Variants in ZFYVE21 observed in about 807,000 individuals in gnomAD.
The protein encoded by ZFYVE21 is zinc finger FYVE domain-containing protein 21.
ZFYVE21 carries 21 observed loss-of-function variants against 29.5 expected under a neutral mutation model. That is an observed-to-expected ratio of 0.71 (90% confidence interval 0.50 to 1.02). The LOEUF (loss-of-function observed/expected upper bound fraction) is 1.02. ZFYVE21 is among the 50% of genes least tolerant of loss of function. The pLI, the probability that ZFYVE21 is intolerant of heterozygous loss-of-function variation, is 0.00. For missense variants in ZFYVE21, 326 were observed against 335.4 expected (o/e 0.97, Z 0.22); for synonymous variants, 151 against 133.8 (o/e 1.13, Z -0.89).
Position 103,716,042 on chromosome 14 carries a change from G to C in ZFYVE21, c.138+63G>C. On this transcript the variant is annotated intron_variant, in intron 1 of 6. Coordinates refer to ENST00000311141, the MANE Select transcript of ZFYVE21 (RefSeq NM_024071.4). This position sits in a 1 kb window ranked among gnomAD's most constrained non-coding sequence, Gnocchi z 4.8. ...CCCCGCCGCCCCGGCCCGGCCCCGCGGGCTTCCAGGCTCCCGCGACGACCC... is the reference window on the plus strand; with the variant it reads ...CCCCGCCGCCCCGGCCCGGCCCCGCCGGCTTCCAGGCTCCCGCGACGACCC... 8.5e-7 allele frequency: 1 copy of C among 1,172,400 alleles called. No homozygotes were observed. The highest frequency in any genetic ancestry group is 1.1e-6 in the Non-Finnish European group (1 of 948,228). 72.6% of individuals were successfully genotyped at this position (1,172,400 alleles called of 1,614,324 possible). A position where few individuals can be genotyped will look rare whatever the true frequency, so the allele number is the denominator to read the frequency against.
intron 3 of ZFYVE21, 129 bp downstream of exon 3, chr14:103,728,043 G>A (rs1378984088): frequency 9.9e-7 from 1 of 1,013,368 alleles, no homozygotes; most frequent in Non-Finnish European, 1.4e-6. Flanking sequence ...TCCCTTCCCC[G>A]TTTTCTTCTG....
At chr14:103,732,839 T>TA (rs991106858) in intron 6 of ZFYVE21, 77 bp downstream of exon 6, 18 of 1,600,470 alleles carry the variant, frequency 1.1e-5, no homozygotes, top group Non-Finnish European at 1.5e-5. Flanking sequence ...AAGCTCTGTG[T>TA]CCTGCCATTT....
chr14:103,732,655 T>C lies in ZFYVE21; in HGVS notation c.562T>C (p.Tyr188His), dbSNP rs200773616. The C allele has an allele frequency of 1.4e-4, 221 of 1,609,028 alleles. No homozygotes were observed. The East Asian group carries it at 4.9e-3, about 35-fold the overall frequency. ...ACGGGCCACAGGCATGTTCCTGCAG[T>C]ATACAGTGCCGGGGACGGAGGGTGT... ...NARATGMFLQYTVPGTEGVTQ... is the reference protein window; with the variant it reads ...NARATGMFLQHTVPGTEGVTQ... The change falls in exon 6 of 7, where the codon TAT (tyrosine) becomes CAT (histidine). Residue 188 changes from tyrosine to histidine, a missense_variant. Physicochemically the swap from Tyr to His is moderately conservative, Grantham distance 83 (BLOSUM62 2). Coordinates refer to ENST00000311141, the MANE Select transcript of ZFYVE21 (RefSeq NM_024071.4).
At chr14:103,718,451 A>C (rs553126240) in intron 1 of ZFYVE21, among the ~76,000 whole-genome samples, 1 of 152,282 alleles carries the variant, frequency 6.6e-6, no homozygotes, top group East Asian at 1.9e-4. Flanking sequence ...TCAGATTCTC[A>C]AGGCTCTGAC....
At position 103,733,178 on chromosome 14, in the gene ZFYVE21, G is replaced by C. The variant is rs955014102; in HGVS notation, c.*160G>C. 12 of 844,428 alleles carry C rather than the reference G, an allele frequency of 1.4e-5. No individual in the cohort carries two copies. Among genetic ancestry groups the C allele is most frequent in the African/African-American group, 1.7e-5 (1 of 58,584 alleles). The allele number at this position is 844,428 out of a possible 1,614,324, so 52.3% of individuals were successfully genotyped here. ...AGAAACAGGAGTGTTCACTTATCTAGTGCAATATGTTCACAGTTTATTAAT... is the reference window on the plus strand; with the variant it reads ...AGAAACAGGAGTGTTCACTTATCTACTGCAATATGTTCACAGTTTATTAAT... On this transcript the variant is annotated 3_prime_UTR_variant, in exon 7 of 7. Coordinates refer to ENST00000311141, the MANE Select transcript of ZFYVE21 (RefSeq NM_024071.4).
intron 1 of ZFYVE21, among the ~76,000 whole-genome samples, chr14:103,717,264 C>T (rs1191210587): frequency 2.6e-5 from 4 of 152,190 alleles, no homozygotes; most frequent in Non-Finnish European, 4.4e-5. Flanking sequence ...ACACTTTCCG[C>T]CAATCATCCT....
chr14:103,718,630 A>G (rs1169858682), intron 1 of ZFYVE21, among the ~76,000 whole-genome samples: 1 of 152,208 alleles, frequency 6.6e-6, no homozygotes, highest in Admixed American at 6.5e-5. Context: ...TGACTCTGCC[A>G]TCAAATATCC....
chr14:103,723,506 A>C (rs1393881105), intron 1 of ZFYVE21, among the ~76,000 whole-genome samples: 3 of 152,362 alleles, frequency 2.0e-5, no homozygotes, highest in African/African-American at 7.2e-5. Context: ...AAGGGAAACA[A>C]AAAAAGGCTG....
chr14:103,729,151 G>A lies in ZFYVE21; in HGVS notation c.495G>A (p.Val165=). The A allele has an allele frequency of 6.2e-7, 1 of 1,614,058 alleles. No individual in the cohort carries two copies. The highest frequency in any genetic ancestry group is 8.5e-7 in the Non-Finnish European group (1 of 1,180,008). Residue 165 remains valine, a synonymous_variant, in exon 5 of 7, where the codon GTG becomes GTA. Coordinates refer to ENST00000311141, the MANE Select transcript of ZFYVE21 (RefSeq NM_024071.4). The part of the protein sequence containing the change: ...YEIEIVHIST[V]QILTEGFPPG... The stretch of plus-strand genomic sequence containing the variant: ...TCGAAATTGTACACATTTCCACCGT[G>A]CAGATCCTCACAGAAGGCTTCCCTC...
rs2083819671 is a variant in ZFYVE21 at position 103,716,652 on chromosome 14, C to T, written c.138+673C>T. Among the ~76,000 whole-genome samples, 2 of 152,240 alleles carry T rather than the reference C, an allele frequency of 1.3e-5. No homozygotes were observed. The highest frequency in any genetic ancestry group is 6.5e-5 in the Admixed American group (1 of 15,290). ...GTTTGAAGGAGACCGCAGATTTGCA[C>T]CCGTTTCCCATGGGCCCAGACACGG... is the stretch of plus-strand genomic sequence containing the variant. On this transcript the variant is annotated intron_variant, in intron 1 of 6. Coordinates refer to ENST00000311141, the MANE Select transcript of ZFYVE21 (RefSeq NM_024071.4). The surrounding 1 kb of genome is among the most constrained non-coding windows in gnomAD (Gnocchi z 4.8).
chr14:103,715,922 C>G lies in ZFYVE21; in HGVS notation c.81C>G (p.His27Gln), dbSNP rs959588772. 5 of 1,434,250 alleles carry G rather than the reference C, an allele frequency of 3.5e-6. No homozygotes were observed. The Admixed American group carries it at 1.2e-4, about 36-fold the overall frequency. 88.8% of individuals were successfully genotyped at this position (1,434,250 alleles called of 1,614,324 possible). ...SPSGLRMVPE[H>Q]RAFGSPFGLE... ...GCGGCCTGCGCATGGTGCCCGAACA[C>G]CGCGCCTTCGGAAGCCCGTTCGGCC... Residue 27 changes from histidine to glutamine, a missense_variant, in exon 1 of 7, where the codon CAC becomes CAG. Transcript: ENST00000311141.
intron 1 of ZFYVE21, among the ~76,000 whole-genome samples, chr14:103,720,784 G>T (rs2083865939): frequency 6.6e-6 from 1 of 152,104 alleles, no homozygotes; most frequent in African/African-American, 2.4e-5. Flanking sequence ...CTCCATGCTG[G>T]TGTCTGCCGC....
chr14:103,727,138 G>T (rs2083934571), intron 2 of ZFYVE21: 6 of 372,236 alleles, frequency 1.6e-5, no homozygotes, highest in South Asian at 1.2e-4. Context: ...TAGAGATGGG[G>T]TTTCACCATG....
At chr14:103,724,407 C>T (rs1027543617) in intron 1 of ZFYVE21, 1 of 152,246 alleles carries the variant, frequency 6.6e-6, no homozygotes, top group African/African-American at 2.4e-5. Context: ...TGGTGGAGCT[C>T]TGAGGCGGCT....
intron 1 of ZFYVE21, among the ~76,000 whole-genome samples, chr14:103,718,864 G>A (rs2083850184): frequency 6.6e-6 from 1 of 152,220 alleles, no homozygotes; most frequent in Non-Finnish European, 1.5e-5. Context: ...GAAGGAGAGA[G>A]CACGTGCGCG....
rs143367739 is a variant in ZFYVE21, at chr14:103,733,154, G to GAAAC, written c.*138_*141dup. 112,975 of 1,118,476 alleles carry GAAAC rather than the reference G, an allele frequency of 0.1. 7,255 individuals are homozygous for GAAAC. Among genetic ancestry groups the GAAAC allele is most frequent in the Non-Finnish European group, 0.12 (87,948 of 762,570 alleles). The allele number at this position is 1,118,476 out of a possible 1,614,324, so 69.3% of individuals were successfully genotyped here. A position where few individuals can be genotyped will look rare whatever the true frequency, so the allele number is the denominator to read the frequency against. ...AATGCAACTCACTCATGTATTTGGA[G>GAAAC]AAACAGGAGTGTTCACTTATCTAGT... On this transcript the variant is annotated 3_prime_UTR_variant, in exon 7 of 7. Transcript: ENST00000311141.
chr14:103,724,563 C>T (rs2083902516), intron 1 of ZFYVE21: 1 of 152,276 alleles, frequency 6.6e-6, no homozygotes, highest in African/African-American at 2.4e-5. Flanking sequence ...CTCCTTCCCC[C>T]AGAAGGGAAA....
In ZFYVE21 at chr14:103,729,277, CT is replaced by C. The variant is rs1458913526; in HGVS notation, c.526+96del. The C allele has an allele frequency of 1.5e-5, 19 of 1,254,484 alleles. No homozygotes were observed. In the African/African-American group the frequency reaches 2.2e-4, roughly 15 times the overall value. 77.7% of individuals were successfully genotyped at this position (1,254,484 alleles called of 1,614,324 possible). On this transcript the variant is annotated intron_variant, in intron 5 of 6. Coordinates refer to ENST00000311141, the MANE Select transcript of ZFYVE21 (RefSeq NM_024071.4). ...GCACTTTTGGGATCAGGCAGCTGCC[CT>C]GAGGAGTGGGGTCTGCTGGGTTTCC... is the stretch of plus-strand genomic sequence containing the variant.
rs1329176837 is a variant in ZFYVE21, at chr14:103,732,968, T to C, written c.670-15T>C. 5 of 1,614,026 alleles carry C rather than the reference T, an allele frequency of 3.1e-6. No individual in the cohort carries two copies. Among genetic ancestry groups the C allele is most frequent in the Non-Finnish European group, 4.2e-6 (5 of 1,180,028 alleles). ...CCAAGCAGGCCTCACTGTGTTGATC[T>C]TGTCTGATCTGCAGGCTGCCAAGCT... On this transcript the variant is annotated splice_polypyrimidine_tract_variant and intron_variant, in intron 6 of 6. Transcript: ENST00000311141.
Sources: allele counts gnomAD v4.1 joint callset (sites outside exome capture counted in the v4.1 genomes callset), GRCh38; gene constraint gnomAD v4.1.1; non-coding constraint Gnocchi (gnomAD v3.1); transcripts MANE v1.5; gene names NCBI Gene and HGNC (gene_info 2026-07-23, HGNC 2026-07-21).